LDB2: variants seen among roughly 807,000 people sequenced by gnomAD.
LDB2 encodes LIM domain-binding protein 2.
A neutral mutation model predicts 44.3 loss-of-function variants in LDB2; 12 were observed. That is an observed-to-expected ratio of 0.27 (90% CI 0.17 to 0.44). The LOEUF (loss-of-function observed/expected upper bound fraction) is 0.44, where lower values mean the gene tolerates loss of function less well. Ranked by LOEUF, LDB2 falls within the 20% of genes least tolerant of loss-of-function variation. The probability of loss-of-function intolerance (pLI) is 1.00; values close to 1 mark genes in which losing one functional copy is unlikely to be tolerated. For missense variants in LDB2, 344 were observed against 473.5 expected, an observed-to-expected ratio of 0.73 and a Z score of 2.54; for synonymous variants, 164 against 174.8, an observed-to-expected ratio of 0.94 and a Z score of 0.49.
intron 1 of LDB2, among the ~76,000 whole-genome samples, chr4:16,779,490 C>T (rs1772685839): frequency 6.6e-6 from 1 of 152,150 alleles, no homozygotes; most frequent in South Asian, 2.1e-4. Context: ...GCCCCACCTG[C>T]CACCTTGGCC....
chr4:16,811,081 C>T (rs919302533), intron 1 of LDB2, among the ~76,000 whole-genome samples: 2 of 152,140 alleles, frequency 1.3e-5, no homozygotes, highest in Non-Finnish European at 2.9e-5. Flanking sequence ...GTTTGCACTC[C>T]TTTGACAATC....
chr4:16,666,384 G>A (rs1399483666), intron 2 of LDB2, among the ~76,000 whole-genome samples: 1 of 152,204 alleles, frequency 6.6e-6, no homozygotes, highest in Admixed American at 6.5e-5. Flanking sequence ...AGAAGAAAGG[G>A]AGCCTCGTGA....
At chr4:16,774,343 G>GT (rs1425391284) in intron 1 of LDB2, among the ~76,000 whole-genome samples, 15 of 151,786 alleles carry the variant, frequency 9.9e-5, no homozygotes, top group Admixed American at 9.2e-4. Context: ...TGAGATATGC[G>GT]TTTTTTTAAA....
At chr4:16,701,485 A>T (rs1253236325) in intron 2 of LDB2, among the ~76,000 whole-genome samples, 1 of 152,194 alleles carries the variant, frequency 6.6e-6, no homozygotes, top group Non-Finnish European at 1.5e-5. Flanking sequence ...TCCTAGAGTG[A>T]GCTTCTACTC....
At chr4:16,721,789 C>T (rs1433196402) in intron 2 of LDB2, among the ~76,000 whole-genome samples, 1 of 152,062 alleles carries the variant, frequency 6.6e-6, no homozygotes, top group African/African-American at 2.4e-5. Flanking sequence ...TGGGCACAGG[C>T]CAGTTAGTCT....
At chr4:16,692,423 C>T (rs1751000931) in intron 2 of LDB2, among the ~76,000 whole-genome samples, 1 of 152,144 alleles carries the variant, frequency 6.6e-6, no homozygotes, top group African/African-American at 2.4e-5. Context: ...AGTCTAAAAT[C>T]TGCCAGCAGC....
At chr4:16,772,659 T>G (rs571649849) in intron 1 of LDB2, among the ~76,000 whole-genome samples, 1 of 152,298 alleles carries the variant, frequency 6.6e-6, no homozygotes, top group African/African-American at 2.4e-5. Context: ...CCAAAGGACA[T>G]AATCCAAAAA....
intron 2 of LDB2, among the ~76,000 whole-genome samples, chr4:16,749,199 T>C (rs945934810): frequency 5.9e-5 from 9 of 151,544 alleles, no homozygotes; most frequent in Non-Finnish European, 1.3e-4. Context: ...ACTCTAGCAA[T>C]CTCATGGTCC....
chr4:16,692,045 C>A (rs1277494532), intron 2 of LDB2, among the ~76,000 whole-genome samples: 1 of 152,058 alleles, frequency 6.6e-6, no homozygotes, highest in African/African-American at 2.4e-5. Flanking sequence ...TGGTGACATC[C>A]TGAGAACCAC....
chr4:16,839,023 G>T (rs563050932), intron 1 of LDB2, among the ~76,000 whole-genome samples: 7 of 152,328 alleles, frequency 4.6e-5, no homozygotes, highest in African/African-American at 9.6e-5. Context: ...GCAGAAGCAG[G>T]ACTGTGATAA....
intron 4 of LDB2, among the ~76,000 whole-genome samples, chr4:16,586,528 AACACACACACACACAC>A (rs375304103): frequency 1.4e-5 from 1 of 69,434 alleles, no homozygotes; most frequent in African/African-American, 4.6e-5. Context: ...ACACACACAA[AACACACACACACACAC>A]ACACACATAT....
At chr4:16,534,037 C>T (rs751474339) in intron 5 of LDB2, among the ~76,000 whole-genome samples, 2 of 152,148 alleles carry the variant, frequency 1.3e-5, no homozygotes, top group Non-Finnish European at 2.9e-5. Flanking sequence ...TGGAATGCCA[C>T]GATCTGATTT....
rs548661127 is a variant in LDB2, at chr4:16,701,341, G to T, written c.235+57817C>A. On this transcript the variant is annotated intron_variant, in intron 2 of 7. Transcript: ENST00000304523. ...TTGCTCCCAGAAGTGAAGAAAGGTG[G>T]ATCACAAAAGAGTAGAGTAGATTGA... 7.2e-5 allele frequency among the ~76,000 whole-genome samples: 11 copies of T among 152,242 alleles called. 1 individual carries two copies. The East Asian group carries it at 1.9e-3, about 27-fold the overall frequency.
At chr4:16,897,912 A>ATATATATACACATATG (rs1725614018) in intron 1 of LDB2, among the ~76,000 whole-genome samples, 1 of 15,664 alleles carries the variant, frequency 6.4e-5, no homozygotes, top group Non-Finnish European at 9.6e-5. Context: ...ATATATATAT[A>ATATATATACACATATG]TATATATATA....
rs867252955 is a variant in LDB2, at chr4:16,560,394, A to G, written c.615+25528T>C. On this transcript the variant is annotated intron_variant, in intron 5 of 7. Coordinates refer to ENST00000304523, the MANE Select transcript of LDB2 (RefSeq NM_001290.5). ...AAATGATAAAGGGGATATCACCACCAATCCCACAGAAATACAAACTACCAT... is the reference window on the plus strand; with the variant it reads ...AAATGATAAAGGGGATATCACCACCGATCCCACAGAAATACAAACTACCAT... Among the ~76,000 whole-genome samples, 12 of 152,260 alleles carry G rather than the reference A, an allele frequency of 7.9e-5. No homozygotes were observed. The South Asian group carries it at 1.9e-3, about 24-fold the overall frequency.
chr4:16,827,813 C>T (rs2110022049), intron 1 of LDB2, among the ~76,000 whole-genome samples: 1 of 152,282 alleles, frequency 6.6e-6, no homozygotes, highest in Non-Finnish European at 1.5e-5. Context: ...ACGGAAAAGC[C>T]TCAGAGTGGC....
chr4:16,659,556 C>A (rs1044168064), intron 2 of LDB2, among the ~76,000 whole-genome samples: 1 of 147,196 alleles, frequency 6.8e-6, no homozygotes, highest in East Asian at 1.9e-4. Flanking sequence ...TTTAAGTAGG[C>A]AGGAGGGAGT....
At chr4:16,889,495 T>C (rs1722724650) in intron 1 of LDB2, 1 of 152,180 alleles carries the variant, frequency 6.6e-6, no homozygotes, top group African/African-American at 2.4e-5. Flanking sequence ...CAGGGCTTCT[T>C]TTTCCTTTGG....
chr4:16,512,218 G>A, intron 5 of LDB2, 114 bp from the exon 6 acceptor site: 1 of 1,015,850 alleles, frequency 9.8e-7, no homozygotes, highest in Non-Finnish European at 1.3e-6. Context: ...TATTTTCCTG[G>A]TTTTGATTTT....
Sources: gnomAD v4.1 joint callset for allele counts (sites outside exome capture counted in the v4.1 genomes callset) on GRCh38, gnomAD v4.1.1 for gene constraint, MANE v1.5 for transcripts, NCBI Gene and HGNC (gene_info 2026-07-23, HGNC 2026-07-21) for gene names.